The following CHD9 variants were observed in gnomAD, a reference collection of about 807,000 sequenced individuals.
CHD9 encodes the protein chromodomain helicase DNA binding protein 9.
CHD9 carries 77 observed loss-of-function variants against 316.1 expected under a neutral mutation model. That is an observed-to-expected ratio of 0.24 (90% CI 0.20 to 0.29). The LOEUF is 0.29. Among genes scored for constraint, CHD9 ranks in the 10% least tolerant of loss-of-function variants. The pLI is 1.00. For missense variants in CHD9, 2,763 were observed against 3,438.1 expected, an observed-to-expected ratio of 0.80 and a Z score of 4.91; for synonymous variants, 1,129 against 1,158.3, an observed-to-expected ratio of 0.97 and a Z score of 0.51.
Position 53,244,418 on chromosome 16 carries a change from TCCGA to T in CHD9, c.3055-915_3055-912del, listed in dbSNP as rs542268904. On this transcript the variant is annotated intron_variant, in intron 13 of 38. Transcript: ENST00000447540. The stretch of plus-strand genomic sequence containing the variant: ...CGTGTTACCCAGGATGGTCTTGATC[TCCGA>T]CCTCGTGATCTGCCTGCCTCGGCCT... 5.3e-5 allele frequency among the ~76,000 whole-genome samples: 8 copies of T among 152,240 alleles called. No homozygotes were observed. In the South Asian group the frequency reaches 1.7e-3, roughly 32 times the overall value.
chr16:53,267,294 A>G lies in CHD9; in HGVS notation c.4321A>G (p.Asn1441Asp). ...AGGTAATAGCAGTTCTGTTTTACAG[A>G]ACAGCTTGGTTATTGACACTCCAAG... Reference protein sequence around the residue: ...EIDIEAISGRNSLVIDTPRIR... With the variant: ...EIDIEAISGRDSLVIDTPRIR... Residue 1441 changes from asparagine to aspartate, a missense_variant and splice_region_variant, in exon 21 of 39, where the codon AAC (asparagine) becomes GAC (aspartate). Physicochemically the swap from Asn to Asp is conservative, Grantham distance 23 (BLOSUM62 1). Transcript: ENST00000447540. The G allele has an allele frequency of 1.2e-6, 2 of 1,600,012 alleles. No homozygotes were observed. Among genetic ancestry groups the G allele is most frequent in the Non-Finnish European group, 1.7e-6 (2 of 1,172,758 alleles).
At chr16:53,253,226 G>GTATATA (rs34959429) in intron 17 of CHD9, among the ~76,000 whole-genome samples, 15 of 149,170 alleles carry the variant, frequency 1.0e-4, no homozygotes, top group African/African-American at 2.0e-4. Flanking sequence ...ATATGTGTGT[G>GTATATA]TATATATATA....
At chr16:53,079,137 GA>G (rs2034797926) in intron 1 of CHD9, among the ~76,000 whole-genome samples, 1 of 152,186 alleles carries the variant, frequency 6.6e-6, no homozygotes, top group Non-Finnish European at 1.5e-5. Context: ...AGGGACCTGG[GA>G]AAGCTTTTCC....
chr16:53,316,332 C>T (rs2056883246), intron 36 of CHD9, among the ~76,000 whole-genome samples: 3 of 152,244 alleles, frequency 2.0e-5, no homozygotes, highest in South Asian at 4.2e-4. Flanking sequence ...TTACTATGTA[C>T]TACTTATTAT....
rs559459104 is a variant in CHD9 at position 53,145,393 on chromosome 16, T to C, written c.-164-10533T>C. Among the ~76,000 whole-genome samples the C allele has an allele frequency of 1.9e-4, 28 of 150,866 alleles. No homozygotes were observed. In the East Asian group the frequency reaches 4.1e-3, roughly 22 times the overall value. ...CTCGAACTACCGACCTCAGGTGATC[T>C]GCCCACCTCGGCCTCCCAAAGTGCT... On this transcript the variant is annotated intron_variant, in intron 1 of 38. Coordinates refer to ENST00000447540, the MANE Select transcript of CHD9 (RefSeq NM_001308319.2).
intron 1 of CHD9, among the ~76,000 whole-genome samples, chr16:53,138,693 T>G (rs184013400): frequency 6.6e-6 from 1 of 152,176 alleles, no homozygotes; most frequent in Admixed American, 6.5e-5. Flanking sequence ...TGATGATAAC[T>G]TTTTTTAGTG....
rs745408050 is a variant in CHD9, at chr16:53,133,062, T to TA, written c.-164-22861dup. ...GTCTCTGTCCTTGGAGAGTTTCCTATAAACTATAGACCATATAATGTAGAC... is the reference window on the plus strand; with the variant it reads ...GTCTCTGTCCTTGGAGAGTTTCCTATAAAACTATAGACCATATAATGTAGAC... On this transcript the variant is annotated intron_variant, in intron 1 of 38. Transcript: ENST00000447540. 7.9e-5 allele frequency among the ~76,000 whole-genome samples: 12 copies of TA among 152,150 alleles called. No homozygotes were observed. The East Asian group carries it at 2.3e-3, about 29-fold the overall frequency.
intron 1 of CHD9, among the ~76,000 whole-genome samples, chr16:53,088,085 C>T (rs189455427): frequency 7.9e-5 from 12 of 152,038 alleles, no homozygotes; most frequent in African/African-American, 2.9e-4. Flanking sequence ...ACTCTCCTTA[C>T]GTCTTGGCTC....
At chr16:53,228,720 C>T (rs916509501) in intron 7 of CHD9, among the ~76,000 whole-genome samples, 1 of 151,950 alleles carries the variant, frequency 6.6e-6, no homozygotes, top group Non-Finnish European at 1.5e-5. Context: ...ATAGATAAAT[C>T]GTATCTTGCA....
At chr16:53,289,567 C>G (rs1293860117) in intron 27 of CHD9, among the ~76,000 whole-genome samples, 4 of 151,808 alleles carry the variant, frequency 2.6e-5, no homozygotes, top group Non-Finnish European at 5.9e-5. Context: ...TTCGTCTGGA[C>G]CAATCAGGAG....
At chr16:53,316,289 C>A (rs1020845446) in intron 36 of CHD9, among the ~76,000 whole-genome samples, 6 of 152,094 alleles carry the variant, frequency 3.9e-5, no homozygotes, top group African/African-American at 1.4e-4. Flanking sequence ...AGATAACATT[C>A]ATTTATTCAG....
Position 53,292,820 on chromosome 16 carries a change from T to C in CHD9, c.5291-13T>C. 6.3e-7 allele frequency: 1 copy of C among 1,597,130 alleles called. No individual in the cohort carries two copies. The highest frequency in any genetic ancestry group is 8.6e-7 in the Non-Finnish European group (1 of 1,164,694). ...CTGTTTAGTTATTATTACTATTACTTATTTAACTATAGATGGTCAACTGAT... is the reference window on the plus strand; with the variant it reads ...CTGTTTAGTTATTATTACTATTACTCATTTAACTATAGATGGTCAACTGAT... On this transcript the variant is annotated splice_polypyrimidine_tract_variant and intron_variant, in intron 28 of 38. Coordinates refer to ENST00000447540, the MANE Select transcript of CHD9 (RefSeq NM_001308319.2).
intron 2 of CHD9, among the ~76,000 whole-genome samples, chr16:53,164,762 T>G (rs1479617036): frequency 6.6e-6 from 1 of 152,044 alleles, no homozygotes; most frequent in Non-Finnish European, 1.5e-5. Context: ...CGAGTGATTC[T>G]TGTGCCTCAG....
chr16:53,193,312 G>C (rs933840569), intron 2 of CHD9, among the ~76,000 whole-genome samples: 5 of 152,002 alleles, frequency 3.3e-5, no homozygotes, highest in African/African-American at 1.2e-4. Flanking sequence ...AGCCGGGCGT[G>C]GTGGCGGGCC....
chr16:53,153,653 C>T (rs982606908), intron 1 of CHD9, among the ~76,000 whole-genome samples: 6 of 152,096 alleles, frequency 3.9e-5, no homozygotes, highest in African/African-American at 1.2e-4. Context: ...CTCAGCCCCC[C>T]AAATAGCTGG....
intron 1 of CHD9, among the ~76,000 whole-genome samples, chr16:53,123,811 T>A (rs8062366): frequency 0.16 from 24,392 of 152,092 alleles, 2,109 homozygotes; most frequent in African/African-American, 0.22. Context: ...CTAATTTTTT[T>A]AAAATTAAAC....
chr16:53,233,622 C>T (rs986507079), intron 10 of CHD9, among the ~76,000 whole-genome samples: 1 of 152,078 alleles, frequency 6.6e-6, no homozygotes, highest in Non-Finnish European at 1.5e-5. Context: ...CCCCTCCTCC[C>T]CTCCTTCCTT....
chr16:53,324,505 C>A lies in CHD9; in HGVS notation c.8304C>A (p.Asn2768Lys). 1.2e-6 allele frequency: 2 copies of A among 1,613,916 alleles called. No homozygotes were observed. Among genetic ancestry groups the A allele is most frequent in the Non-Finnish European group, 1.7e-6 (2 of 1,179,866 alleles). The change falls in exon 39 of 39, where the codon AAC (asparagine) becomes AAA (lysine). Residue 2768 changes from asparagine to lysine, a missense_variant. Asn to Lys is a moderately conservative substitution (Grantham distance 94, BLOSUM62 0). This residue lies in a region of CHD9 where 298 missense variants were observed against 380.2 expected (regional missense o/e 0.78). Coordinates refer to ENST00000447540, the MANE Select transcript of CHD9 (RefSeq NM_001308319.2). ...ESQSSENGGE[N>K]SVSSSPSTSS... is the part of the protein sequence containing the mutation. ...AAAGTTCAGAGAATGGTGGAGAAAACTCTGTGTCAAGTTCTCCTTCCACAT... is the reference window on the plus strand; with the variant it reads ...AAAGTTCAGAGAATGGTGGAGAAAAATCTGTGTCAAGTTCTCCTTCCACAT...
rs370195484 is a variant in CHD9, at chr16:53,324,796, A to G, written c.8595A>G (p.Glu2865=). ...KGGTEPSPLN[E]NSTDEGSEKA... ...GAACTGAACCAAGTCCTCTCAATGA[A>G]AACAGCACAGATGAGGGTTCAGAGA... is the stretch of plus-strand genomic sequence containing the variant. The change falls in exon 39 of 39, where the codon GAA becomes GAG. Residue 2865 remains glutamate, a synonymous_variant. Coordinates refer to ENST00000447540, the MANE Select transcript of CHD9 (RefSeq NM_001308319.2). 7.4e-6 allele frequency: 12 copies of G among 1,613,094 alleles called. No homozygotes were observed. Among genetic ancestry groups the G allele is most frequent in the Non-Finnish European group, 9.3e-6 (11 of 1,179,574 alleles).
Sources: allele counts gnomAD v4.1 joint callset (sites outside exome capture counted in the v4.1 genomes callset), GRCh38; gene constraint gnomAD v4.1.1; regional missense constraint gnomAD v4.1.1; transcripts MANE v1.5; gene names NCBI Gene and HGNC (gene_info 2026-07-23, HGNC 2026-07-21).